DPY19L3: variants seen among roughly 807,000 people sequenced by gnomAD.
DPY19L3 encodes protein C-mannosyl-transferase DPY19L3.
A neutral mutation model predicts 92.3 loss-of-function variants in DPY19L3; 51 were observed. The ratio of observed to expected loss-of-function variants is 0.55; its 90% confidence interval spans 0.44 to 0.70. The LOEUF is 0.70. DPY19L3 is among the 30% of genes least tolerant of loss of function. The pLI is 0.00. For missense variants in DPY19L3, 706 were observed against 855.9 expected (o/e 0.82, Z 2.18); for synonymous variants, 309 against 315.2 (o/e 0.98, Z 0.21).
At chr19:32,453,884 T>C (rs1054242855) in intron 9 of DPY19L3, among the ~76,000 whole-genome samples, 2 of 152,156 alleles carry the variant, frequency 1.3e-5, no homozygotes, top group Non-Finnish European at 2.9e-5. Context: ...AAATTTCTTA[T>C]ATTTACATAA....
intron 17 of DPY19L3, 127 bp from the exon 18 acceptor site, chr19:32,480,272 C>A: frequency 9.5e-7 from 1 of 1,050,284 alleles, no homozygotes; most frequent in Non-Finnish European, 1.3e-6. Context: ...TGCAGCGTGG[C>A]CTGGGCTGGA....
At chr19:32,476,244 C>T (rs754824531) in intron 16 of DPY19L3, among the ~76,000 whole-genome samples, 5 of 152,074 alleles carry the variant, frequency 3.3e-5, no homozygotes, top group Non-Finnish European at 7.4e-5. Flanking sequence ...GAGCTAGTTG[C>T]GTGCCCTGCT....
At chr19:32,450,240 G>A (rs142700937) in intron 8 of DPY19L3, among the ~76,000 whole-genome samples, 65 of 152,230 alleles carry the variant, frequency 4.3e-4, no homozygotes, top group South Asian at 2.3e-3. Flanking sequence ...GACAAATGTC[G>A]CGGATGTGAA....
At chr19:32,461,759 T>C (rs932441559) in intron 12 of DPY19L3, among the ~76,000 whole-genome samples, 1 of 152,236 alleles carries the variant, frequency 6.6e-6, no homozygotes, top group Non-Finnish European at 1.5e-5. Context: ...AAGGGATCAG[T>C]AGACCTTCAT....
chr19:32,482,130 C>T lies in DPY19L3; in HGVS notation c.2041C>T (p.Pro681Ser), dbSNP rs1970691624. 2 of 1,613,856 alleles carry T rather than the reference C, an allele frequency of 1.2e-6. No homozygotes were observed. Among genetic ancestry groups the T allele is most frequent in the African/African-American group, 2.7e-5 (2 of 74,992 alleles). Residue 681 changes from proline (P) to serine (S), a missense_variant, in exon 19 of 19, where the codon CCT (proline) becomes TCT (serine). By Grantham distance (74) the Pro-to-Ser change is moderately conservative. Transcript: ENST00000392250. ...TCCTGATTTGAAACCTGCAGACCAC[C>T]CTCGCTTCTGTGAAGAGATCAAAAG... Reference protein sequence around the residue: ...NDPDLKPADHPRFCEEIKRNL... With the variant: ...NDPDLKPADHSRFCEEIKRNL...
intron 16 of DPY19L3, among the ~76,000 whole-genome samples, chr19:32,469,836 A>T (rs1232842454): frequency 6.6e-6 from 1 of 152,246 alleles, no homozygotes; most frequent in African/African-American, 2.4e-5. Context: ...TACCCAGAGC[A>T]CCATTCCTAT....
rs774851581 is a variant in DPY19L3 at position 32,458,393 on chromosome 19, C to T, written c.1206C>T (p.Gly402=). ...TCTATCTGTGTGAAGAAGCTTTTGG[C>T]CTCCTGCCTTTTAATACATTTGGAA... The part of the protein sequence containing the change: ...ANLYLCEEAF[G]LLPFNTFGRL... The change falls in exon 12 of 19, where the codon GGC becomes GGT. Residue 402 remains glycine (G), a synonymous_variant. Coordinates refer to ENST00000392250, the MANE Select transcript of DPY19L3 (RefSeq NM_001172774.2). 2.4e-5 allele frequency: 38 copies of T among 1,613,426 alleles called. 1 individual carries two copies. The Middle Eastern group carries it at 9.9e-4, about 42-fold the overall frequency.
At chr19:32,452,940 A>T (rs1195903414) in intron 8 of DPY19L3, among the ~76,000 whole-genome samples, 1 of 151,014 alleles carries the variant, frequency 6.6e-6, no homozygotes, top group Non-Finnish European at 1.5e-5. Flanking sequence ...TCCTGACCTC[A>T]GGTGATCCCA....
intron 15 of DPY19L3, chr19:32,468,460 A>G: frequency 9.0e-7 from 1 of 1,110,360 alleles, no homozygotes; most frequent in Non-Finnish European, 1.1e-6. Flanking sequence ...TAGCATTTCT[A>G]TTGGAGCAAA....
At chr19:32,431,520 A>G (rs147632106) in intron 3 of DPY19L3, among the ~76,000 whole-genome samples, 24 of 152,320 alleles carry the variant, frequency 1.6e-4, no homozygotes, top group African/African-American at 5.5e-4. Context: ...ATACTTTTAC[A>G]GGTACAGGTT....
At chr19:32,443,910 A>T (rs1969402520) in intron 8 of DPY19L3, among the ~76,000 whole-genome samples, 1 of 151,858 alleles carries the variant, frequency 6.6e-6, no homozygotes, top group Admixed American at 6.6e-5. Flanking sequence ...ACAAAAATTA[A>T]CTGGCTGTGG....
chr19:32,423,402 A>ATTTTTTTTTTTTTTTTTTTTTT (rs71176123), intron 3 of DPY19L3, among the ~76,000 whole-genome samples: 55 of 82,212 alleles, frequency 6.7e-4, no homozygotes, highest in Non-Finnish European at 7.9e-4. Flanking sequence ...TGCCCAGCTA[A>ATTTTTTTTTTTTTTTTTTTTTT]TTTTTTTTTT....
rs1969938119 is a variant in DPY19L3, at chr19:32,458,465, C to T, written c.1278C>T (p.Ser426=). The change falls in exon 12 of 19, where the codon TCC becomes TCT. Residue 426 remains serine, a synonymous_variant. Coordinates refer to ENST00000392250, the MANE Select transcript of DPY19L3 (RefSeq NM_001172774.2). ...LLFYAYIFVL[S]ITVIVAFVVA... ...TTTATGCTTACATATTCGTTCTGTC[C>T]ATCACAGTGATTGTAGCATTCGTTG... is the stretch of plus-strand genomic sequence containing the variant. The T allele has an allele frequency of 6.2e-7, 1 of 1,613,340 alleles. No individual in the cohort carries two copies. The highest frequency in any genetic ancestry group is 1.3e-5 in the African/African-American group (1 of 74,910).
chr19:32,461,831 T>C (rs1970049326), intron 12 of DPY19L3, among the ~76,000 whole-genome samples: 1 of 152,194 alleles, frequency 6.6e-6, no homozygotes, highest in Non-Finnish European at 1.5e-5. Flanking sequence ...GACAACAAAT[T>C]GTGCAACATC....
intron 16 of DPY19L3, among the ~76,000 whole-genome samples, chr19:32,472,389 C>G (rs1421326984): frequency 6.6e-6 from 1 of 152,172 alleles, no homozygotes; most frequent in African/African-American, 2.4e-5. Flanking sequence ...ACACCCCAGC[C>G]TTTGTGCATT....
At chr19:32,407,867 G>T (rs375252852) in intron 1 of DPY19L3, among the ~76,000 whole-genome samples, 160 of 152,296 alleles carry the variant, frequency 1.1e-3, no homozygotes, top group African/African-American at 3.6e-3. Context: ...CCAAGGCGGG[G>T]AGGATCGCAT....
intron 8 of DPY19L3, among the ~76,000 whole-genome samples, chr19:32,447,762 TAGATAGATAGATA>T (rs1568343814): frequency 5.3e-4 from 78 of 147,104 alleles, no homozygotes; most frequent in African/African-American, 1.1e-3. Flanking sequence ...GATAGATAGA[TAGATAGATAGATA>T]GATTAGATAA....
intron 8 of DPY19L3, among the ~76,000 whole-genome samples, chr19:32,449,205 A>G (rs1439023349): frequency 6.6e-6 from 1 of 152,240 alleles, no homozygotes; most frequent in Non-Finnish European, 1.5e-5. Context: ...TCAAATGCAT[A>G]GGTACAAATG....
chr19:32,457,769 T>A (rs1216755722), intron 10 of DPY19L3, among the ~76,000 whole-genome samples: 3 of 152,204 alleles, frequency 2.0e-5, no homozygotes, highest in Admixed American at 6.5e-5. Context: ...AGTTTTCTGG[T>A]CTGAAAACTT....
Sources: allele counts gnomAD v4.1 joint callset (sites outside exome capture counted in the v4.1 genomes callset), GRCh38; gene constraint gnomAD v4.1.1; transcripts MANE v1.5; gene names NCBI Gene and HGNC (gene_info 2026-07-23, HGNC 2026-07-21).